The following NDUFAF2 variants were observed in gnomAD, a reference collection of about 807,000 sequenced individuals.
NDUFAF2 encodes NADH dehydrogenase [ubiquinone] 1 alpha subcomplex assembly factor 2.
NDUFAF2 carries 13 observed loss-of-function variants against 22.8 expected under a neutral mutation model. The ratio of observed to expected loss-of-function variants is 0.57; its 90% confidence interval spans 0.37 to 0.91. The LOEUF is 0.91. Ranked by LOEUF, NDUFAF2 falls within the 40% of genes least tolerant of loss-of-function variation. NDUFAF2 has a pLI of 0.01. For missense variants in NDUFAF2, 162 were observed against 195.2 expected (o/e 0.83, Z 1.01); for synonymous variants, 53 against 64.2 (o/e 0.83, Z 0.84).
chr5:61,061,800 A>G (rs918315352), intron 1 of NDUFAF2, among the ~76,000 whole-genome samples: 2 of 152,188 alleles, frequency 1.3e-5, no homozygotes, highest in African/African-American at 2.4e-5. Flanking sequence ...ACACTGAGAG[A>G]GATCCCCTAA....
chr5:61,105,304 A>G (rs1297419010), intron 3 of NDUFAF2, among the ~76,000 whole-genome samples: 2 of 151,344 alleles, frequency 1.3e-5, no homozygotes, highest in Non-Finnish European at 2.9e-5. Context: ...TGAGTAAGTT[A>G]TCTGTGCCCA....
chr5:61,112,027 G>C (rs1280799137), intron 3 of NDUFAF2, among the ~76,000 whole-genome samples: 1 of 152,088 alleles, frequency 6.6e-6, no homozygotes, highest in Non-Finnish European at 1.5e-5. Context: ...AAAGACCTGG[G>C]ATTACAGGCG....
intron 1 of NDUFAF2, among the ~76,000 whole-genome samples, chr5:61,021,620 TC>T (rs1374681208): frequency 2.0e-5 from 3 of 152,190 alleles, no homozygotes; most frequent in Non-Finnish European, 4.4e-5. Flanking sequence ...TCATTTTCCT[TC>T]CCCCACCTTT....
intron 1 of NDUFAF2, among the ~76,000 whole-genome samples, chr5:61,041,697 A>G (rs1000169102): frequency 2.6e-5 from 4 of 152,186 alleles, no homozygotes; most frequent in Admixed American, 2.0e-4. Flanking sequence ...TTAAATCTTT[A>G]TGTGTCCATG....
chr5:61,053,853 G>A (rs1272962868), intron 1 of NDUFAF2, among the ~76,000 whole-genome samples: 2 of 152,088 alleles, frequency 1.3e-5, no homozygotes, highest in Non-Finnish European at 2.9e-5. Context: ...GGGAAATATT[G>A]AAATAAAATA....
chr5:60,967,500 G>A (rs930288857), intron 1 of NDUFAF2, among the ~76,000 whole-genome samples: 2 of 151,682 alleles, frequency 1.3e-5, no homozygotes, highest in African/African-American at 4.8e-5. Flanking sequence ...TTATTGCATT[G>A]AGATATATTC....
At chr5:61,013,771 G>C (rs1284214239) in intron 1 of NDUFAF2, among the ~76,000 whole-genome samples, 1 of 151,144 alleles carries the variant, frequency 6.6e-6, no homozygotes. Flanking sequence ...AATAAAATAA[G>C]CATTCAACAT....
chr5:61,098,996 G>T lies in NDUFAF2; in HGVS notation c.222G>T (p.Trp74Cys). The change falls in exon 3 of 4, where the codon TGG becomes TGT. Residue 74 changes from tryptophan (W) to cysteine (C), a missense_variant. This residue lies in a region of NDUFAF2 where 68 missense variants were observed against 110.0 expected (regional missense o/e 0.62). Transcript: ENST00000296597. ...AAATATTATTTTTCTTTCTAGCTTGGATTAGAAGAACAAGAAAGACTCCAC... is the reference window on the plus strand; with the variant it reads ...AAATATTATTTTTCTTTCTAGCTTGTATTAGAAGAACAAGAAAGACTCCAC... Reference protein sequence around the residue: ...AGDIPTEWEAWIRRTRKTPPT... With the variant: ...AGDIPTEWEACIRRTRKTPPT... 6.3e-7 allele frequency: 1 copy of T among 1,599,252 alleles called. No homozygotes were observed. The highest frequency in any genetic ancestry group is 8.6e-7 in the Non-Finnish European group (1 of 1,169,360).
chr5:61,040,307 T>G (rs1378786224), intron 1 of NDUFAF2, among the ~76,000 whole-genome samples: 1 of 137,442 alleles, frequency 7.3e-6, no homozygotes, highest in African/African-American at 2.8e-5. Context: ...CGCGCGAAAG[T>G]TGAAAGCAGA....
chr5:61,119,159 A>C (rs949757772), intron 3 of NDUFAF2, among the ~76,000 whole-genome samples: 1 of 152,222 alleles, frequency 6.6e-6, no homozygotes, highest in Non-Finnish European at 1.5e-5. Context: ...GAATTGTCAC[A>C]GTAATGTGCA....
chr5:61,068,477 G>A (rs889612450), intron 1 of NDUFAF2, among the ~76,000 whole-genome samples: 1 of 152,014 alleles, frequency 6.6e-6, no homozygotes, highest in Non-Finnish European at 1.5e-5. Flanking sequence ...AAAGGATATA[G>A]GTACAATTTT....
intron 3 of NDUFAF2, among the ~76,000 whole-genome samples, chr5:61,137,452 G>T (rs957475961): frequency 7.9e-5 from 12 of 152,174 alleles, no homozygotes; most frequent in Admixed American, 4.6e-4. Flanking sequence ...TATGATAAGT[G>T]CTACAAAGTA....
At chr5:61,011,521 T>C (rs1751442335) in intron 1 of NDUFAF2, among the ~76,000 whole-genome samples, 1 of 151,992 alleles carries the variant, frequency 6.6e-6, no homozygotes, top group Admixed American at 6.6e-5. Context: ...GTGGTGCAAA[T>C]TGTAATATCT....
chr5:61,118,929 G>A (rs1752944832), intron 3 of NDUFAF2, among the ~76,000 whole-genome samples: 2 of 152,152 alleles, frequency 1.3e-5, no homozygotes, highest in South Asian at 4.1e-4. Context: ...GGTCATGTCT[G>A]TAGTGTTTTA....
intron 1 of NDUFAF2, among the ~76,000 whole-genome samples, chr5:60,972,091 C>T (rs962482015): frequency 7.2e-5 from 11 of 151,732 alleles, no homozygotes; most frequent in Admixed American, 3.3e-4. Flanking sequence ...TACAGGCATA[C>T]GCCACCGAGC....
intron 3 of NDUFAF2, among the ~76,000 whole-genome samples, chr5:61,112,150 A>G (rs1228575229): frequency 6.6e-6 from 1 of 151,302 alleles, no homozygotes; most frequent in African/African-American, 2.4e-5. Flanking sequence ...ATATATATTT[A>G]TAGTTCTTAG....
At chr5:61,042,463 G>T (rs562346691) in intron 1 of NDUFAF2, among the ~76,000 whole-genome samples, 35 of 152,200 alleles carry the variant, frequency 2.3e-4, no homozygotes, top group East Asian at 2.1e-3. Context: ...TATATATATA[G>T]AGAGATATAC....
intron 1 of NDUFAF2, among the ~76,000 whole-genome samples, chr5:61,071,209 G>A (rs1052000547): frequency 2.0e-5 from 3 of 152,062 alleles, no homozygotes; most frequent in Admixed American, 6.6e-5. Flanking sequence ...ACCACTTTTA[G>A]TATCAGTCCC....
intron 3 of NDUFAF2, among the ~76,000 whole-genome samples, chr5:61,136,386 T>C (rs765845913): frequency 6.6e-6 from 1 of 152,070 alleles, no homozygotes; most frequent in African/African-American, 2.4e-5. Context: ...GGAAGACTTA[T>C]TTGGGAAGTG....
Sources: allele counts gnomAD v4.1 joint callset (sites outside exome capture counted in the v4.1 genomes callset), GRCh38; gene constraint gnomAD v4.1.1; regional missense constraint gnomAD v4.1.1; transcripts MANE v1.5; gene names NCBI Gene and HGNC (gene_info 2026-07-23, HGNC 2026-07-21).